The following PTPRD variants were observed in gnomAD, a reference collection of about 807,000 sequenced individuals.
PTPRD encodes protein tyrosine phosphatase receptor type D.
In PTPRD, 34 loss-of-function variants were observed where a neutral mutation model predicts 214.5. The observed-to-expected ratio is 0.16, with a 90% CI of 0.12 to 0.21. PTPRD has a LOEUF of 0.21. Among genes scored for constraint, PTPRD ranks in the 10% least tolerant of loss-of-function variants. PTPRD has a pLI of 1.00. For missense variants in PTPRD, 2,545 were observed against 2,398.7 expected, an observed-to-expected ratio of 1.06 and a Z score of -1.27; for synonymous variants, 1,128 against 845.7, an observed-to-expected ratio of 1.33 and a Z score of -5.79.
At chr9:10,528,123 T>C (rs954797056) in intron 2 of PTPRD, among the ~76,000 whole-genome samples, 6 of 152,134 alleles carry the variant, frequency 3.9e-5, no homozygotes, top group Admixed American at 3.3e-4. Context: ...AGGAGCCTGA[T>C]GCAGATCTCT....
chr9:9,334,274 A>G (rs536601214), intron 9 of PTPRD, among the ~76,000 whole-genome samples: 26 of 152,134 alleles, frequency 1.7e-4, no homozygotes, highest in African/African-American at 6.0e-4. Context: ...CTCATATAAA[A>G]TTAGCCAAAA....
At chr9:10,187,105 A>C (rs2099337050) in intron 3 of PTPRD, among the ~76,000 whole-genome samples, 1 of 152,208 alleles carries the variant, frequency 6.6e-6, no homozygotes, top group Admixed American at 6.5e-5. Flanking sequence ...TCTTCTTGCT[A>C]ATAATCCATA....
intron 5 of PTPRD, among the ~76,000 whole-genome samples, chr9:9,891,040 C>G (rs1439259627): frequency 1.3e-5 from 2 of 152,114 alleles, no homozygotes; most frequent in Non-Finnish European, 2.9e-5. Flanking sequence ...TAAAAACCTT[C>G]ATGGAAGCTA....
intron 4 of PTPRD, among the ~76,000 whole-genome samples, chr9:9,980,380 G>A (rs1331502677): frequency 6.6e-6 from 1 of 151,684 alleles, no homozygotes; most frequent in Non-Finnish European, 1.5e-5. Context: ...GGCCGAGGTG[G>A]GCGGATCACC....
At chr9:10,248,517 A>T (rs1359925104) in intron 3 of PTPRD, among the ~76,000 whole-genome samples, 1 of 33,724 alleles carries the variant, frequency 3.0e-5, no homozygotes, top group Non-Finnish European at 1.2e-4. Context: ...ATAGCAAAAA[A>T]AAAAAAAAAT....
intron 2 of PTPRD, among the ~76,000 whole-genome samples, chr9:10,475,779 C>T (rs1023324327): frequency 1.3e-4 from 20 of 152,110 alleles, no homozygotes; most frequent in African/African-American, 4.6e-4. Flanking sequence ...GCTTATCTAC[C>T]ACGATCAAGT....
chr9:9,013,469 G>C (rs181056172), intron 11 of PTPRD, among the ~76,000 whole-genome samples: 3 of 152,266 alleles, frequency 2.0e-5, no homozygotes, highest in African/African-American at 7.2e-5. Context: ...AACAGTCCAT[G>C]TTTAACAAAT....
chr9:9,663,558 T>C (rs1423852151), intron 7 of PTPRD, among the ~76,000 whole-genome samples: 1 of 151,470 alleles, frequency 6.6e-6, no homozygotes, highest in Non-Finnish European at 1.5e-5. Flanking sequence ...TCCATCCCTA[T>C]CAAACTCCCA....
At chr9:10,129,624 A>C (rs1242910338) in intron 3 of PTPRD, among the ~76,000 whole-genome samples, 1 of 151,034 alleles carries the variant, frequency 6.6e-6, no homozygotes, top group Non-Finnish European at 1.5e-5. Flanking sequence ...CCAGGTCTGA[A>C]CCTCTGGCTC....
intron 5 of PTPRD, among the ~76,000 whole-genome samples, chr9:9,857,078 C>T (rs1342118108): frequency 1.3e-5 from 2 of 152,070 alleles, no homozygotes; most frequent in Admixed American, 6.5e-5. Flanking sequence ...GTGCGGGCCC[C>T]GGGGCAGCAT....
At chr9:8,567,164 G>A (rs2089555557) in intron 14 of PTPRD, among the ~76,000 whole-genome samples, 1 of 152,108 alleles carries the variant, frequency 6.6e-6, no homozygotes, top group Non-Finnish European at 1.5e-5. Context: ...TACCAGAAAT[G>A]CAAAAAACAC....
At chr9:8,875,573 T>G (rs1286403922) in intron 11 of PTPRD, among the ~76,000 whole-genome samples, 1 of 152,168 alleles carries the variant, frequency 6.6e-6, no homozygotes, top group East Asian at 1.9e-4. Context: ...AAGGTAAACA[T>G]CTCAATGAGT....
At chr9:9,210,083 A>AT (rs2099947539) in intron 9 of PTPRD, among the ~76,000 whole-genome samples, 1 of 152,088 alleles carries the variant, frequency 6.6e-6, no homozygotes, top group Non-Finnish European at 1.5e-5. Flanking sequence ...TGTTTTCATT[A>AT]TTTTACTGAA....
intron 3 of PTPRD, among the ~76,000 whole-genome samples, chr9:10,308,277 A>G (rs1348093366): frequency 6.6e-6 from 1 of 152,092 alleles, no homozygotes; most frequent in Non-Finnish European, 1.5e-5. Flanking sequence ...ATTATTCTGC[A>G]TATGGATGTC....
intron 8 of PTPRD, among the ~76,000 whole-genome samples, chr9:9,526,689 G>A (rs1164836175): frequency 2.6e-5 from 4 of 152,062 alleles, no homozygotes; most frequent in Non-Finnish European, 5.9e-5. Context: ...ACTTTTATCT[G>A]AAATATGCTT....
intron 5 of PTPRD, among the ~76,000 whole-genome samples, chr9:9,853,737 C>T (rs1452843725): frequency 4.0e-5 from 6 of 151,856 alleles, no homozygotes; most frequent in East Asian, 1.9e-4. Flanking sequence ...TTAGTAGAGA[C>T]GGGGTTTCAC....
chr9:9,463,554 C>T (rs1054430532), intron 8 of PTPRD, among the ~76,000 whole-genome samples: 3 of 152,080 alleles, frequency 2.0e-5, no homozygotes, highest in African/African-American at 7.2e-5. Context: ...ACTTTCCTAT[C>T]ACCTACTTCC....
At chr9:9,800,906 T>C (rs1400809783) in intron 5 of PTPRD, among the ~76,000 whole-genome samples, 2 of 152,146 alleles carry the variant, frequency 1.3e-5, no homozygotes, top group East Asian at 1.9e-4. Flanking sequence ...AACAGAAGCA[T>C]TTACATCTCT....
In PTPRD at chr9:8,929,849, A is replaced by G. The variant is rs1269574781; in HGVS notation, c.-104+88848T>C. Among the ~76,000 whole-genome samples the G allele has an allele frequency of 2.4e-3, 300 of 124,550 alleles. 18 individuals are homozygous for G. Among genetic ancestry groups the G allele is most frequent in the African/African-American group, 9.5e-3 (263 of 27,788 alleles). 81.7% of individuals were successfully genotyped at this position (124,550 alleles called of 152,430 possible). ...TATATATGTGTATATATATGTGTGT[A>G]TATATATGTGTATATACATGTGTGT... On this transcript the variant is annotated intron_variant, in intron 11 of 45. Coordinates refer to ENST00000381196, the MANE Select transcript of PTPRD (RefSeq NM_002839.4).
Sources: allele counts gnomAD v4.1 joint callset (sites outside exome capture counted in the v4.1 genomes callset), GRCh38; gene constraint gnomAD v4.1.1; transcripts MANE v1.5; gene names NCBI Gene and HGNC (gene_info 2026-07-23, HGNC 2026-07-21).